TAFA2: variants seen among roughly 807,000 people sequenced by gnomAD.
TAFA2 encodes TAFA chemokine like family member 2.
TAFA2 carries 7 observed loss-of-function variants against 18.8 expected under a neutral mutation model. That is an observed-to-expected ratio of 0.37 (90% CI 0.21 to 0.70). The LOEUF (loss-of-function observed/expected upper bound fraction) is 0.70. Among genes scored for constraint, TAFA2 ranks in the 30% least tolerant of loss-of-function variants. TAFA2 has a pLI of 0.53. For synonymous variants in TAFA2, 60 were observed against 54.2 expected (o/e 1.11, Z -0.47); for missense variants, 122 against 158.1 (o/e 0.77, Z 1.23).
intron 1 of TAFA2, among the ~76,000 whole-genome samples, chr12:61,970,654 A>G (rs1879216181): frequency 6.6e-6 from 1 of 151,464 alleles, no homozygotes. Context: ...GATATAACAG[A>G]AGAACTGTTT....
chr12:61,739,870 G>A (rs10877729), intron 4 of TAFA2, among the ~76,000 whole-genome samples: 75,660 of 151,780 alleles, frequency 0.5, 19,091 homozygotes, highest in African/African-American at 0.57. Context: ...CCTGACTGTC[G>A]GCCAATGTGT....
At chr12:61,887,961 C>CA (rs951337127) in intron 1 of TAFA2, among the ~76,000 whole-genome samples, 2 of 151,560 alleles carry the variant, frequency 1.3e-5, no homozygotes, top group South Asian at 2.1e-4. Context: ...TTTATGCAGC[C>CA]AAAAAACACA....
At chr12:62,144,604 GA>G (rs1451127533) in intron 1 of TAFA2, among the ~76,000 whole-genome samples, 3 of 152,176 alleles carry the variant, frequency 2.0e-5, no homozygotes, top group Non-Finnish European at 4.4e-5. Flanking sequence ...GCCTCTTGGG[GA>G]ATTGTTACAT....
intron 1 of TAFA2, among the ~76,000 whole-genome samples, chr12:62,044,970 G>C (rs1019282580): frequency 6.6e-6 from 1 of 152,070 alleles, no homozygotes; most frequent in Non-Finnish European, 1.5e-5. Flanking sequence ...GAAAATCACT[G>C]TGCCTGACAT....
chr12:61,833,988 G>A (rs1245726939), intron 2 of TAFA2, among the ~76,000 whole-genome samples: 2 of 151,952 alleles, frequency 1.3e-5, no homozygotes, highest in African/African-American at 4.8e-5. Context: ...TCAAGCCAAG[G>A]TTGGTCTCTA....
At chr12:62,061,768 A>G (rs923116491) in intron 1 of TAFA2, among the ~76,000 whole-genome samples, 1 of 152,214 alleles carries the variant, frequency 6.6e-6, no homozygotes, top group African/African-American at 2.4e-5. Flanking sequence ...TTATTCATTC[A>G]TTGAATATTT....
chr12:61,713,180 C>T (rs1292972415), intron 4 of TAFA2, among the ~76,000 whole-genome samples: 1 of 152,154 alleles, frequency 6.6e-6, no homozygotes, highest in Non-Finnish European at 1.5e-5. Context: ...CACTCTTACA[C>T]CAATCACCGA....
chr12:61,917,238 A>G (rs762861325), intron 1 of TAFA2, among the ~76,000 whole-genome samples: 1 of 152,232 alleles, frequency 6.6e-6, no homozygotes, highest in African/African-American at 2.4e-5. Context: ...GAAATAATAA[A>G]ATACTAAGAA....
At chr12:61,880,793 C>A (rs536194866) in intron 1 of TAFA2, 2 of 346,256 alleles carry the variant, frequency 5.8e-6, no homozygotes, top group South Asian at 5.4e-5. Flanking sequence ...CAGCCCCTCC[C>A]ACCCTACTCC....
At chr12:61,844,340 G>C (rs985958897) in intron 2 of TAFA2, among the ~76,000 whole-genome samples, 29 of 152,064 alleles carry the variant, frequency 1.9e-4, no homozygotes, top group Non-Finnish European at 1.5e-5. Flanking sequence ...ATCTGTTCAA[G>C]TATAAATTCA....
At chr12:61,795,392 A>G (rs572948387) in intron 2 of TAFA2, among the ~76,000 whole-genome samples, 1 of 152,310 alleles carries the variant, frequency 6.6e-6, no homozygotes, top group South Asian at 2.1e-4. Flanking sequence ...ATGGAATACT[A>G]TGCAGCCATA....
At chr12:61,859,092 T>A (rs950574965) in intron 2 of TAFA2, among the ~76,000 whole-genome samples, 7 of 152,196 alleles carry the variant, frequency 4.6e-5, no homozygotes, top group Non-Finnish European at 8.8e-5. Context: ...GGGTAATTTA[T>A]AAAGGAAAGA....
chr12:62,086,680 A>C (rs348673), intron 1 of TAFA2, among the ~76,000 whole-genome samples: 74,632 of 152,078 alleles, frequency 0.49, 18,891 homozygotes, highest in African/African-American at 0.59. Flanking sequence ...TGTAGAGAAA[A>C]TGAAATCTTG....
intron 1 of TAFA2, among the ~76,000 whole-genome samples, chr12:62,161,590 T>C (rs979603276): frequency 5.3e-5 from 8 of 152,156 alleles, no homozygotes; most frequent in Non-Finnish European, 1.2e-4. Context: ...GATGACTTAA[T>C]GGGTGCAGTG....
chr12:62,134,203 A>G (rs1036907863), intron 1 of TAFA2, among the ~76,000 whole-genome samples: 4 of 151,946 alleles, frequency 2.6e-5, no homozygotes, highest in African/African-American at 9.7e-5. Flanking sequence ...CCAGATTGCT[A>G]TCACAATACT....
At chr12:61,916,519 A>T (rs1166976743) in intron 1 of TAFA2, among the ~76,000 whole-genome samples, 1 of 152,194 alleles carries the variant, frequency 6.6e-6, no homozygotes, top group African/African-American at 2.4e-5. Context: ...GACTGCCCCA[A>T]ACTAACACAT....
intron 1 of TAFA2, among the ~76,000 whole-genome samples, chr12:62,086,289 G>C: frequency 6.6e-6 from 1 of 151,950 alleles, no homozygotes; most frequent in East Asian, 1.9e-4. Flanking sequence ...GAAAAAAATA[G>C]GTAATTTGGA....
At chr12:61,872,204 G>C (rs1488245143) in intron 1 of TAFA2, among the ~76,000 whole-genome samples, 2 of 152,140 alleles carry the variant, frequency 1.3e-5, no homozygotes, top group Admixed American at 6.5e-5. Flanking sequence ...ATAGTATAAA[G>C]GAGATGTATA....
At chr12:62,178,688 A>T (rs1235727682) in intron 1 of TAFA2, among the ~76,000 whole-genome samples, 1 of 152,200 alleles carries the variant, frequency 6.6e-6, no homozygotes. Flanking sequence ...TGCATGTGGC[A>T]TCCCTAGCAC....
Sources: gnomAD v4.1 joint callset for allele counts (sites outside exome capture counted in the v4.1 genomes callset) on GRCh38, gnomAD v4.1.1 for gene constraint, MANE v1.5 for transcripts, NCBI Gene and HGNC (gene_info 2026-07-23, HGNC 2026-07-21) for gene names.